The following ATG7 variants were observed in gnomAD, a reference collection of about 807,000 sequenced individuals.
ATG7 encodes the protein autophagy related 7.
ATG7 carries 70 observed loss-of-function variants against 82.4 expected under a neutral mutation model. The observed-to-expected ratio is 0.85, with a 90% confidence interval of 0.70 to 1.04. The LOEUF is 1.04. Ranked by LOEUF, ATG7 falls within the 50% of genes least tolerant of loss-of-function variation. The pLI, the probability that ATG7 is intolerant of heterozygous loss-of-function variation, is 0.00. For missense variants in ATG7, 792 were observed against 864.3 expected (o/e 0.92, Z 1.05); for synonymous variants, 287 against 313.0 (o/e 0.92, Z 0.88).
At chr3:11,332,685 A>G (rs1457404979) in intron 10 of ATG7, 4 of 207,484 alleles carry the variant, frequency 1.9e-5, no homozygotes, top group Non-Finnish European at 3.8e-5. Context: ...TCCGCATTTA[A>G]AAGATTTACT....
rs571969004 is a variant in ATG7 at position 11,344,703 on chromosome 3, C to CA, written c.1125+2432dup. ...ACAACGTGGCGAAACTCCATCTCTA[C>CA]AAAAAAAATATAAAAATTAGCCAGG... On this transcript the variant is annotated intron_variant, in intron 13 of 20. Coordinates refer to ENST00000693202, the MANE Select transcript of ATG7 (RefSeq NM_001349232.2). 1.5e-4 allele frequency among the ~76,000 whole-genome samples: 22 copies of CA among 151,722 alleles called. No homozygotes were observed. In the South Asian group the frequency reaches 3.7e-3, roughly 26 times the overall value.
At chr3:11,355,703 C>A (rs925565396) in intron 14 of ATG7, among the ~76,000 whole-genome samples, 1 of 152,130 alleles carries the variant, frequency 6.6e-6, no homozygotes, top group African/African-American at 2.4e-5. Flanking sequence ...ATTAAGAAGC[C>A]TGACAATGCT....
At chr3:11,371,184 C>T (rs1223974051) in intron 18 of ATG7, among the ~76,000 whole-genome samples, 3 of 151,156 alleles carry the variant, frequency 2.0e-5, no homozygotes, top group Non-Finnish European at 2.9e-5. Flanking sequence ...TATTCAAGGA[C>T]ATGCCTTCCT....
intron 20 of ATG7, among the ~76,000 whole-genome samples, chr3:11,511,763 G>A (rs1314033223): frequency 6.6e-6 from 1 of 152,190 alleles, no homozygotes; most frequent in Non-Finnish European, 1.5e-5. Flanking sequence ...CTAAGGCCCA[G>A]CGAGAAATCG....
intron 20 of ATG7, among the ~76,000 whole-genome samples, chr3:11,488,859 A>G (rs2090050511): frequency 6.6e-6 from 1 of 152,078 alleles, no homozygotes; most frequent in African/African-American, 2.4e-5. Context: ...TTGGTCTAAA[A>G]TTCTCTTTTT....
intron 20 of ATG7, among the ~76,000 whole-genome samples, chr3:11,495,627 C>T (rs1418614977): frequency 6.6e-6 from 1 of 151,288 alleles, no homozygotes; most frequent in African/African-American, 2.4e-5. Flanking sequence ...TAATGATCCA[C>T]CTATGGCCGT....
intron 3 of ATG7, among the ~76,000 whole-genome samples, chr3:11,293,574 G>A (rs559802481): frequency 1.7e-4 from 26 of 151,294 alleles, no homozygotes; most frequent in African/African-American, 4.4e-4. Context: ...CTGGCCGGGC[G>A]GGGTGGCTCA....
chr3:11,370,782 T>C (rs760898142), intron 18 of ATG7, among the ~76,000 whole-genome samples: 3 of 151,286 alleles, frequency 2.0e-5, no homozygotes, highest in Non-Finnish European at 2.9e-5. Flanking sequence ...CTGGGCATAA[T>C]TGACTAAAGA....
At chr3:11,402,848 G>A (rs1016101282) in intron 19 of ATG7, among the ~76,000 whole-genome samples, 3 of 151,958 alleles carry the variant, frequency 2.0e-5, no homozygotes, top group African/African-American at 4.8e-5. Context: ...AACAATCGAC[G>A]TCAACAATTA....
intron 20 of ATG7, 139 bp downstream of exon 20, chr3:11,427,065 TA>T: frequency 8.8e-7 from 1 of 1,138,626 alleles, no homozygotes; most frequent in Non-Finnish European, 1.2e-6. Context: ...GTCTGCTAGT[TA>T]CCAGAGAACG....
At chr3:11,427,058 T>G in intron 20 of ATG7, 132 bp downstream of exon 20, 1 of 1,171,628 alleles carries the variant, frequency 8.5e-7, no homozygotes, top group Non-Finnish European at 1.1e-6. Context: ...TAAATAAGTC[T>G]GCTAGTTACC....
intron 20 of ATG7, among the ~76,000 whole-genome samples, chr3:11,533,793 AAG>A (rs756717553): frequency 4.6e-5 from 7 of 152,214 alleles, no homozygotes; most frequent in Non-Finnish European, 7.3e-5. Flanking sequence ...AGAAACAGAA[AAG>A]AGTAAAACAA....
intron 20 of ATG7, among the ~76,000 whole-genome samples, chr3:11,526,497 A>G (rs901958890): frequency 6.6e-6 from 1 of 152,248 alleles, no homozygotes; most frequent in African/African-American, 2.4e-5. Context: ...TTTATAAGCA[A>G]TAGGATTATT....
chr3:11,472,049 T>G (rs554059449), intron 20 of ATG7, among the ~76,000 whole-genome samples: 4 of 152,310 alleles, frequency 2.6e-5, no homozygotes, highest in Non-Finnish European at 5.9e-5. Context: ...TTTCAGATAA[T>G]TTCTTCAAGA....
chr3:11,352,027 G>T (rs966582028), intron 14 of ATG7, among the ~76,000 whole-genome samples: 1 of 132,434 alleles, frequency 7.6e-6, no homozygotes, highest in Non-Finnish European at 1.5e-5. Flanking sequence ...ACAGGCACTT[G>T]TGTGTGATGT....
rs2084304821 is a variant in ATG7, at chr3:11,444,271, T to TC, written c.2079+17347dup. ...TGTTTGGAGCATTCTGGTATATATC[T>TC]CCTGGGGTTCATGTGCAGCATTTCT... On this transcript the variant is annotated intron_variant, in intron 20 of 20. Coordinates refer to ENST00000693202, the MANE Select transcript of ATG7 (RefSeq NM_001349232.2). 2.0e-5 allele frequency among the ~76,000 whole-genome samples: 3 copies of TC among 152,346 alleles called. No homozygotes were observed. In the East Asian group the frequency reaches 5.8e-4, roughly 29 times the overall value.
At chr3:11,496,521 T>C (rs1487541375) in intron 20 of ATG7, among the ~76,000 whole-genome samples, 1 of 152,230 alleles carries the variant, frequency 6.6e-6, no homozygotes, top group Non-Finnish European at 1.5e-5. Flanking sequence ...CTGCTGAGGC[T>C]GGGACTTTGT....
intron 19 of ATG7, among the ~76,000 whole-genome samples, chr3:11,392,043 T>C (rs1370549988): frequency 6.6e-6 from 1 of 152,118 alleles, no homozygotes; most frequent in Non-Finnish European, 1.5e-5. Context: ...TTGGAAATCT[T>C]GTCCTTTGAA....
chr3:11,471,745 C>CTTTTCT lies in ATG7; in HGVS notation c.2079+44823_2079+44824insCTTTTT, dbSNP rs1553685524. ...CTTCATAGATTGGCTTTTTAGATTT[C>CTTTTCT]TTTTTTTTTTTTTTTTGAAATGTAG... is the stretch of plus-strand genomic sequence containing the variant. On this transcript the variant is annotated intron_variant, in intron 20 of 20. Coordinates refer to ENST00000693202, the MANE Select transcript of ATG7 (RefSeq NM_001349232.2). Among the ~76,000 whole-genome samples, 108 of 105,690 alleles carry CTTTTCT rather than the reference C, an allele frequency of 1.0e-3. 5 individuals carry two copies. In the East Asian group the frequency reaches 0.023, roughly 23 times the overall value. 69.3% of individuals were successfully genotyped at this position (105,690 alleles called of 152,430 possible). A position where few individuals can be genotyped will look rare whatever the true frequency, so the allele number is the denominator to read the frequency against.
Sources: allele counts gnomAD v4.1 joint callset (sites outside exome capture counted in the v4.1 genomes callset), GRCh38; gene constraint gnomAD v4.1.1; transcripts MANE v1.5; gene names NCBI Gene and HGNC (gene_info 2026-07-23, HGNC 2026-07-21).